The following XKR9 variants were observed in gnomAD, a reference collection of about 807,000 sequenced individuals.
XKR9 encodes the protein XK-related protein 9.
In XKR9, 32 loss-of-function variants were observed where a neutral mutation model predicts 32.0. The observed-to-expected ratio is 1.00, with a 90% CI of 0.76 to 1.34. The LOEUF is 1.34. Ranked by LOEUF, XKR9 falls within the 40% of genes most tolerant of loss-of-function variation. The pLI is 0.00. For synonymous variants in XKR9, 168 were observed against 143.4 expected (o/e 1.17, Z -1.22); for missense variants, 546 against 429.7 (o/e 1.27, Z -2.39).
At chr8:70,985,526 TA>T in the XKR9 span, among the ~76,000 whole-genome samples, 3 of 152,212 alleles carry the variant, frequency 2.0e-5, no homozygotes, top group African/African-American at 7.2e-5. Flanking sequence ...TTTATTATCA[TA>T]AACAAGGCTG....
the XKR9 span, among the ~76,000 whole-genome samples, chr8:71,012,166 G>A: frequency 3.3e-5 from 5 of 152,168 alleles, no homozygotes; most frequent in East Asian, 7.7e-4. Flanking sequence ...TCCTGTCTTC[G>A]AGGACTTGAC....
the XKR9 span, among the ~76,000 whole-genome samples, chr8:70,850,362 G>T: frequency 1.3e-5 from 2 of 150,894 alleles, no homozygotes; most frequent in African/African-American, 4.9e-5. Context: ...TCCGGAGGAG[G>T]CTGAGGCAGG....
chr8:70,751,563 A>T (rs1284040618), intron 2 of XKR9, among the ~76,000 whole-genome samples: 1 of 152,184 alleles, frequency 6.6e-6, no homozygotes, highest in Non-Finnish European at 1.5e-5. Context: ...AGTAAGGAAG[A>T]TGTACCTTCA....
At chr8:70,819,667 A>G in the XKR9 span, among the ~76,000 whole-genome samples, 1 of 152,208 alleles carries the variant, frequency 6.6e-6, no homozygotes, top group Admixed American at 6.5e-5. Flanking sequence ...AAATAGAAGA[A>G]TGGATATGAA....
the XKR9 span, among the ~76,000 whole-genome samples, chr8:70,834,313 G>GAAGTAACT: frequency 3.3e-5 from 5 of 151,950 alleles, no homozygotes; most frequent in Non-Finnish European, 7.4e-5. Context: ...ATATTCCATT[G>GAAGTAACT]AAGTAACTAT....
the XKR9 span, among the ~76,000 whole-genome samples, chr8:70,979,198 G>A: frequency 1.3e-5 from 2 of 152,142 alleles, no homozygotes. Context: ...CTTTAGCTCA[G>A]AGAAGTTTGT....
At chr8:70,779,747 T>A (rs903720649) in intron 2 of XKR9, among the ~76,000 whole-genome samples, 3 of 152,168 alleles carry the variant, frequency 2.0e-5, no homozygotes, top group Non-Finnish European at 4.4e-5. Flanking sequence ...TGCTTAGAGG[T>A]GTTTATAGTA....
At chr8:70,809,389 TCTC>T in the XKR9 span, among the ~76,000 whole-genome samples, 1 of 152,032 alleles carries the variant, frequency 6.6e-6, no homozygotes, top group Non-Finnish European at 1.5e-5. Context: ...TCAGAATGCC[TCTC>T]CTCCTCCAAA....
the XKR9 span, among the ~76,000 whole-genome samples, chr8:70,990,133 A>G: frequency 2.0e-5 from 3 of 152,354 alleles, no homozygotes; most frequent in South Asian, 2.1e-4. Flanking sequence ...TGCAGAGGAT[A>G]GTAATTATAA....
chr8:70,742,611 T>A (rs905014745), intron 2 of XKR9, among the ~76,000 whole-genome samples: 18 of 152,194 alleles, frequency 1.2e-4, no homozygotes, highest in Non-Finnish European at 8.8e-5. Flanking sequence ...TAATTTTTTT[T>A]AAATCTGAAC....
chr8:70,909,670 A>G, the XKR9 span, among the ~76,000 whole-genome samples: 2 of 150,942 alleles, frequency 1.3e-5, no homozygotes, highest in Admixed American at 1.3e-4. Context: ...AACAACAACA[A>G]CAAAAAACAA....
chr8:70,843,071 CT>C, the XKR9 span, among the ~76,000 whole-genome samples: 4 of 152,168 alleles, frequency 2.6e-5, no homozygotes, highest in African/African-American at 9.7e-5. Flanking sequence ...TCAGTGATTT[CT>C]TTTAAGTTTC....
At chr8:70,995,090 A>G in the XKR9 span, among the ~76,000 whole-genome samples, 8 of 152,320 alleles carry the variant, frequency 5.3e-5, no homozygotes, top group East Asian at 1.5e-3. Context: ...TCCTGCTTTT[A>G]GACAAATAAG....
intron 2 of XKR9, among the ~76,000 whole-genome samples, chr8:70,776,048 GTCTTT>G (rs760922667): frequency 1.3e-5 from 2 of 152,000 alleles, no homozygotes; most frequent in African/African-American, 2.4e-5. Flanking sequence ...CCCCAACCTG[GTCTTT>G]TCTTTTCTTG....
the XKR9 span, among the ~76,000 whole-genome samples, chr8:70,873,649 T>A: frequency 1.3e-5 from 2 of 151,978 alleles, no homozygotes; most frequent in African/African-American, 2.4e-5. Flanking sequence ...GGATGAGGAG[T>A]TGCTTCTTAC....
intron 2 of XKR9, among the ~76,000 whole-genome samples, chr8:70,679,667 G>GT (rs749017458): frequency 5.9e-5 from 9 of 152,088 alleles, no homozygotes; most frequent in South Asian, 2.1e-4. Context: ...AAACATTTGT[G>GT]TTTTTTGTGA....
chr8:70,806,844 C>T, the XKR9 span, among the ~76,000 whole-genome samples: 5 of 152,194 alleles, frequency 3.3e-5, no homozygotes, highest in Non-Finnish European at 7.3e-5. Flanking sequence ...AAACACACTT[C>T]AGGGTATTAT....
At chr8:70,968,572 CT>C in the XKR9 span, among the ~76,000 whole-genome samples, 83,131 of 151,892 alleles carry the variant, frequency 0.55, 23,661 homozygotes, top group Middle Eastern at 0.62. Context: ...TCTTTGTGGG[CT>C]TTAATGATCT....
rs1432150693 is a variant in XKR9, at chr8:70,771,916, T to C, written n.353-17423T>C. On this transcript the variant is annotated intron_variant and non_coding_transcript_variant, in intron 2 of 3. Coordinates refer to the XKR9 transcript ENST00000520273. ...TTCTGGAAGGATTACTTTTGAAAAA[T>C]TAATTAAAATTGGTTTATTAAAAAT... 2.0e-5 allele frequency among the ~76,000 whole-genome samples: 3 copies of C among 152,182 alleles called. No homozygotes were observed. In the East Asian group the frequency reaches 5.8e-4, roughly 29 times the overall value.
Sources: allele counts gnomAD v4.1 joint callset (sites outside exome capture counted in the v4.1 genomes callset), GRCh38; gene constraint gnomAD v4.1.1; transcripts MANE v1.5; gene names NCBI Gene and HGNC (gene_info 2026-07-23, HGNC 2026-07-21).